Variants in ZDHHC21 observed in about 807,000 individuals in gnomAD.
ZDHHC21 encodes the protein palmitoyltransferase ZDHHC21.
A neutral mutation model predicts 34.6 loss-of-function variants in ZDHHC21; 15 were observed. The ratio of observed to expected loss-of-function variants is 0.43; its 90% CI spans 0.29 to 0.67. ZDHHC21 has a LOEUF of 0.67. Among genes scored for constraint, ZDHHC21 ranks in the 30% least tolerant of loss-of-function variants. The probability of loss-of-function intolerance (pLI) is 0.14; values close to 1 mark genes in which losing one functional copy is unlikely to be tolerated. For synonymous variants in ZDHHC21, 142 were observed against 101.8 expected (o/e 1.40, Z -2.38); for missense variants, 344 against 327.7 (o/e 1.05, Z -0.38).
intron 7 of ZDHHC21, among the ~76,000 whole-genome samples, chr9:14,648,309 G>C (rs1830625688): frequency 7.7e-6 from 1 of 129,582 alleles, no homozygotes; most frequent in African/African-American, 2.9e-5. Flanking sequence ...ATTTTTCATA[G>C]CAATCAGGTT....
At position 14,661,553 on chromosome 9, in the gene ZDHHC21, G is replaced by C. The variant is rs368896526; in HGVS notation, c.365+662C>G. Among the ~76,000 whole-genome samples, 6 of 152,152 alleles carry C rather than the reference G, an allele frequency of 3.9e-5. No homozygotes were observed. In the East Asian group the frequency reaches 9.6e-4, roughly 24 times the overall value. ...TACAATATCTTGTTCACAGATTTTT[G>C]TGACAGCTTTAAAATGAGATACAAT... On this transcript the variant is annotated intron_variant, in intron 6 of 9. Coordinates refer to ENST00000380916, the MANE Select transcript of ZDHHC21 (RefSeq NM_178566.6).
At chr9:14,663,131 G>C (rs1833701497) in intron 5 of ZDHHC21, among the ~76,000 whole-genome samples, 1 of 152,210 alleles carries the variant, frequency 6.6e-6, no homozygotes, top group East Asian at 1.9e-4. Context: ...GTCCTAATTA[G>C]GTCCGCGAAA....
downstream of ZDHHC21, among the ~76,000 whole-genome samples, chr9:14,610,571 C>G (rs1364357211): frequency 6.6e-6 from 1 of 151,940 alleles, no homozygotes; most frequent in Non-Finnish European, 1.5e-5. Flanking sequence ...TCTACTAACT[C>G]ACTGTCTTTA....
chr9:14,598,310 C>G, the ZDHHC21 span, among the ~76,000 whole-genome samples: 1 of 152,176 alleles, frequency 6.6e-6, no homozygotes, highest in Non-Finnish European at 1.5e-5. Context: ...CAACCATAGC[C>G]TAAGCCACTG....
At chr9:14,592,363 T>C in the ZDHHC21 span, among the ~76,000 whole-genome samples, 1 of 151,984 alleles carries the variant, frequency 6.6e-6, no homozygotes, top group East Asian at 1.9e-4. Flanking sequence ...AAAATATATA[T>C]ATTTATACAT....
intron 5 of ZDHHC21, among the ~76,000 whole-genome samples, chr9:14,672,102 T>A (rs1055455506): frequency 7.2e-5 from 11 of 152,122 alleles, no homozygotes; most frequent in Admixed American, 6.6e-5. Flanking sequence ...ACTGAAGTCA[T>A]TGTGTTTTAA....
chr9:14,607,613 C>T (rs1309503126), downstream of ZDHHC21, among the ~76,000 whole-genome samples: 1 of 143,466 alleles, frequency 7.0e-6, no homozygotes, highest in Non-Finnish European at 1.5e-5. Context: ...GTGATAAGTG[C>T]TATGGGCTGG....
chr9:14,663,692 T>C (rs1833825423), intron 5 of ZDHHC21, among the ~76,000 whole-genome samples: 2 of 152,104 alleles, frequency 1.3e-5, no homozygotes, highest in Admixed American at 6.6e-5. Flanking sequence ...AAAGTATGAA[T>C]AAAACCTACA....
Position 14,662,247 on chromosome 9 carries a change from G to C in ZDHHC21, c.333C>G (p.His111Gln). ...AGTGATGATCCATTCTCCTCACACA[G>C]TGGCCGCAGCGGCTACAGTGATGGG... ...KRSHHCSRCG[H>Q]CVRRMDHHCP... Residue 111 changes from histidine to glutamine, a missense_variant, in exon 6 of 10, where the codon CAC (histidine) becomes CAG (glutamine). By Grantham distance (24) the His-to-Gln change is conservative. Coordinates refer to ENST00000380916, the MANE Select transcript of ZDHHC21 (RefSeq NM_178566.6). The C allele has an allele frequency of 1.2e-6, 2 of 1,612,792 alleles. No homozygotes were observed. The highest frequency in any genetic ancestry group is 1.7e-6 in the Non-Finnish European group (2 of 1,179,504).
chr9:14,660,403 A>G (rs1381321783), intron 6 of ZDHHC21, among the ~76,000 whole-genome samples: 2 of 145,524 alleles, frequency 1.4e-5, no homozygotes, highest in African/African-American at 5.1e-5. Context: ...AAGAATGATC[A>G]GAGCCACAAA....
chr9:14,604,735 T>G, the ZDHHC21 span, among the ~76,000 whole-genome samples: 2 of 152,202 alleles, frequency 1.3e-5, no homozygotes, highest in East Asian at 3.8e-4. Context: ...ATCCTCTTAG[T>G]AAATTTTTAA....
intron 5 of ZDHHC21, among the ~76,000 whole-genome samples, chr9:14,671,527 A>C (rs563683306): frequency 1.3e-5 from 2 of 152,104 alleles, no homozygotes; most frequent in African/African-American, 4.8e-5. Flanking sequence ...GAGTGAATAC[A>C]TGACCCTGAT....
intron 2 of ZDHHC21, among the ~76,000 whole-genome samples, chr9:14,689,193 T>C (rs10756603): frequency 0.92 from 139,882 of 151,976 alleles, 64,762 homozygotes; most frequent in Non-Finnish European, 0.98. Flanking sequence ...TACACGTTGG[T>C]TAGGGGGATC....
chr9:14,690,414 C>A, intron 1 of ZDHHC21, 29 bp from the exon 2 acceptor site: 1 of 451,462 alleles, frequency 2.2e-6, no homozygotes, highest in Non-Finnish European at 4.4e-6. Flanking sequence ...AGCTTAAAAT[C>A]AGAAGCTTGG....
chr9:14,678,621 T>C lies in ZDHHC21; in HGVS notation c.-46+1412A>G, dbSNP rs576877211. Among the ~76,000 whole-genome samples the C allele has an allele frequency of 3.9e-5, 6 of 152,256 alleles. No individual in the cohort carries two copies. In the South Asian group the frequency reaches 1.0e-3, roughly 26 times the overall value. Reference sequence around the variant, plus strand: ...ATCCTGGGAGGGCAATTTGGCAGTATGTATCAAAAGGTAAAACTCTTTTAC... The same window carrying C: ...ATCCTGGGAGGGCAATTTGGCAGTACGTATCAAAAGGTAAAACTCTTTTAC... On this transcript the variant is annotated intron_variant, in intron 3 of 9. Transcript: ENST00000380916.
the ZDHHC21 span, chr9:14,594,210 A>G: frequency 6.6e-6 from 1 of 152,334 alleles, no homozygotes; most frequent in South Asian, 2.1e-4. Flanking sequence ...AGCAGCACCA[A>G]TGAGGATGAA....
rs142421384 is a variant in ZDHHC21, at chr9:14,686,070, G to A, written c.-176+4267C>T. The stretch of plus-strand genomic sequence containing the variant: ...GGGCCTGTCGTGGGGTGGGGGAGGG[G>A]GGAGGAATAGCATTATGAGAACTAC... On this transcript the variant is annotated intron_variant, in intron 2 of 9. Transcript: ENST00000380916. Among the ~76,000 whole-genome samples, 47 of 152,096 alleles carry A rather than the reference G, an allele frequency of 3.1e-4. No individual in the cohort carries two copies. In the East Asian group the frequency reaches 9.1e-3, roughly 29 times the overall value.
intron 4 of ZDHHC21, among the ~76,000 whole-genome samples, chr9:14,673,715 T>A (rs1835872454): frequency 7.1e-6 from 1 of 140,204 alleles, no homozygotes; most frequent in South Asian, 2.2e-4. Context: ...ATAATTTCAA[T>A]TTATTTTAAT....
At chr9:14,665,292 T>A (rs1034600842) in intron 5 of ZDHHC21, among the ~76,000 whole-genome samples, 3 of 133,024 alleles carry the variant, frequency 2.3e-5, no homozygotes, top group Non-Finnish European at 3.2e-5. Context: ...AAGGGAAGTT[T>A]AGAGAAAAAA....
Sources: allele counts gnomAD v4.1 joint callset (sites outside exome capture counted in the v4.1 genomes callset), GRCh38; gene constraint gnomAD v4.1.1; transcripts MANE v1.5; gene names NCBI Gene and HGNC (gene_info 2026-07-23, HGNC 2026-07-21).